The following SNHG17 variants were observed in gnomAD, a reference collection of about 807,000 sequenced individuals.
SNHG17 encodes small nucleolar RNA host gene 17, also known as small nucleolar RNA host gene 17 (non-protein coding).
intron 5 of SNHG17, among the ~76,000 whole-genome samples, chr20:38,423,350 C>G (rs1008573188): frequency 1.4e-5 from 2 of 147,866 alleles, no homozygotes; most frequent in Non-Finnish European, 3.0e-5. Flanking sequence ...TGAGCAAACA[C>G]AGTTCACTGC....
chr20:38,429,584 G>T (rs2084306161), intron 3 of SNHG17: 1 of 402,096 alleles, frequency 2.5e-6, no homozygotes, highest in African/African-American at 2.1e-5. Context: ...CACAATAACT[G>T]CCCTGGGCCA....
chr20:38,425,232 G>A (rs1185564068), intron 5 of SNHG17: 1 of 519,104 alleles, frequency 1.9e-6, no homozygotes, highest in Admixed American at 1.9e-5. Context: ...AGGGATAGGA[G>A]TGGACCCTTC....
intron 2 of SNHG17, chr20:38,434,371 T>C (rs1224991932): frequency 4.3e-6 from 1 of 232,880 alleles, no homozygotes. Context: ...GTCTCCTAAG[T>C]CACGCTTTGC....
At chr20:38,434,992 C>T (rs788349) in intron 1 of SNHG17, 3 of 1,229,714 alleles carry the variant, frequency 2.4e-6, no homozygotes, top group Non-Finnish European at 3.0e-6. Context: ...GCACGTGGCC[C>T]GCTCAGCACT....
intron 6 of SNHG17, chr20:38,421,775 G>A (rs1346942086): frequency 1.3e-5 from 2 of 152,574 alleles, no homozygotes; most frequent in African/African-American, 4.8e-5. Context: ...GGATACAAGA[G>A]CAGGGAAGGA....
chr20:38,425,389 G>C (rs1177711566), intron 5 of SNHG17: 2 of 490,540 alleles, frequency 4.1e-6, no homozygotes, highest in South Asian at 2.9e-5. Flanking sequence ...CTTAGGAAGG[G>C]CCCAAACTAA....
At chr20:38,422,768 C>A (rs2084179411) in intron 5 of SNHG17, among the ~76,000 whole-genome samples, 1 of 152,112 alleles carries the variant, frequency 6.6e-6, no homozygotes, top group Non-Finnish European at 1.5e-5. Context: ...CACACACGCA[C>A]ACACAACAAA....
intron 1 of SNHG17, chr20:38,434,881 G>A: frequency 8.2e-7 from 1 of 1,212,396 alleles, no homozygotes; most frequent in Non-Finnish European, 1.0e-6. Flanking sequence ...AATGCCAGGA[G>A]TCGGGGGCGG....
At chr20:38,429,396 G>C (rs571650493) in intron 3 of SNHG17, 1 of 192,230 alleles carries the variant, frequency 5.2e-6, no homozygotes, top group Non-Finnish European at 1.1e-5. Context: ...AACAAGTCAG[G>C]CAACAATTTC....
chr20:38,434,017 GC>G (rs1392503057), intron 2 of SNHG17: 1 of 517,942 alleles, frequency 1.9e-6, no homozygotes, highest in East Asian at 5.5e-5. Flanking sequence ...GGGCAGGTGA[GC>G]CCACGTCAGC....
intron 6 of SNHG17, chr20:38,421,580 TA>T (rs2084156938): frequency 6.6e-6 from 1 of 151,038 alleles, no homozygotes; most frequent in African/African-American, 2.4e-5. Flanking sequence ...GGGGTGGGTC[TA>T]GTCACCACAT....
intron 1 of SNHG17, chr20:38,435,153 G>A: frequency 8.1e-7 from 1 of 1,232,342 alleles, no homozygotes; most frequent in Non-Finnish European, 1.0e-6. Context: ...AGTTTCCCCC[G>A]ATGGTGAGAG....
At chr20:38,422,629 A>G (rs549888729) in intron 5 of SNHG17, among the ~76,000 whole-genome samples, 1 of 152,152 alleles carries the variant, frequency 6.6e-6, no homozygotes. Context: ...TGGAGATCAA[A>G]TCACACCTCA....
At position 38,429,721 on chromosome 20, in the gene SNHG17, G is replaced by T. The variant is rs765917995; in HGVS notation, n.380+1320C>A. On this transcript the variant is annotated intron_variant and non_coding_transcript_variant, in intron 3 of 8. Coordinates refer to ENST00000654008, the Ensembl canonical transcript of SNHG17. ...AGACAGGAGTGGACCCTCCAAACAC[G>T]GGGAAGTGCTCTCGGCAGTTCCTCT... 3.9e-5 allele frequency: 20 copies of T among 511,536 alleles called. No homozygotes were observed. The Admixed American group carries it at 4.0e-4, about 10-fold the overall frequency. The allele number at this position is 511,536 out of a possible 1,614,324, so 31.7% of individuals were successfully genotyped here. A position where few individuals can be genotyped will look rare whatever the true frequency, so the allele number is the denominator to read the frequency against.
At chr20:38,426,843 G>A (rs1260499248) in intron 3 of SNHG17, among the ~76,000 whole-genome samples, 1 of 150,662 alleles carries the variant, frequency 6.6e-6, no homozygotes, top group East Asian at 2.0e-4. Flanking sequence ...GGAAGTGAGG[G>A]AAGTGTTTTG....
intron 2 of SNHG17, among the ~76,000 whole-genome samples, chr20:38,432,469 A>G (rs760800591): frequency 8.5e-5 from 13 of 152,090 alleles, no homozygotes; most frequent in Non-Finnish European, 1.5e-4. Context: ...TCACTCTTCT[A>G]TCAGCCATGC....
At chr20:38,431,899 C>T in intron 2 of SNHG17, 2 of 552,696 alleles carry the variant, frequency 3.6e-6, no homozygotes, top group Non-Finnish European at 4.6e-6. Flanking sequence ...GACACTCTTA[C>T]CTCACCTCTC....
intron 5 of SNHG17, among the ~76,000 whole-genome samples, chr20:38,424,126 C>T (rs1420970975): frequency 6.6e-6 from 1 of 150,540 alleles, no homozygotes; most frequent in Non-Finnish European, 1.5e-5. Flanking sequence ...GCCGTGTTTG[C>T]ACCACTGCAC....
At chr20:38,420,809 G>A (rs1047887671) in exon 8 of SNHG17, 5 of 152,164 alleles carry the variant, frequency 3.3e-5, no homozygotes, top group African/African-American at 1.2e-4. Flanking sequence ...GCTCTGAGCA[G>A]GCAGCAGGGA....
Sources: allele counts gnomAD v4.1 joint callset (sites outside exome capture counted in the v4.1 genomes callset), GRCh38; gene constraint gnomAD v4.1.1; transcripts MANE v1.5; gene names NCBI Gene and HGNC (gene_info 2026-07-23, HGNC 2026-07-21).